Variants in TOMM20L observed in about 807,000 individuals in gnomAD.
The protein encoded by TOMM20L is translocase of outer mitochondrial membrane 20 like, also known as TOMM20-like protein 1.
TOMM20L carries 19 observed loss-of-function variants against 20.4 expected under a neutral mutation model. That is an observed-to-expected ratio of 0.93 (90% confidence interval 0.65 to 1.36). The LOEUF (loss-of-function observed/expected upper bound fraction) is 1.36, where lower values mean the gene tolerates loss of function less well. Ranked by LOEUF, TOMM20L falls within the 40% of genes most tolerant of loss-of-function variation. TOMM20L has a pLI of 0.00. For missense variants in TOMM20L, 218 were observed against 203.7 expected (o/e 1.07, Z -0.43); for synonymous variants, 75 against 79.6 (o/e 0.94, Z 0.30).
rs538296538 is a variant in TOMM20L, at chr14:58,400,843, A to C, written c.181-1837A>C. ...CAGTGAGTCAAGACTGCACCACTGC[A>C]CTCCAGCTTGGGCAACAGAGCAAGA... On this transcript the variant is annotated intron_variant, in intron 2 of 4. Coordinates refer to ENST00000360945, the MANE Select transcript of TOMM20L (RefSeq NM_207377.3). Among the ~76,000 whole-genome samples, 10 of 152,290 alleles carry C rather than the reference A, an allele frequency of 6.6e-5. No individual in the cohort carries two copies. In the South Asian group the frequency reaches 2.1e-3, roughly 32 times the overall value.
downstream of TOMM20L, chr14:58,409,191 C>T: frequency 3.7e-6 from 6 of 1,600,876 alleles, no homozygotes; most frequent in Non-Finnish European, 5.1e-6. Context: ...AGGGAAGATC[C>T]AAGAGGCAAC....
chr14:58,397,142 T>A (rs766316376), intron 2 of TOMM20L, among the ~76,000 whole-genome samples: 18 of 152,216 alleles, frequency 1.2e-4, no homozygotes, highest in Non-Finnish European at 2.2e-4. Context: ...AATCCGCAGT[T>A]GATGCTGGAT....
intron 1 of TOMM20L, 88 bp downstream of exon 1, chr14:58,396,181 C>G (rs2035914436): frequency 7.1e-7 from 1 of 1,414,624 alleles, no homozygotes; most frequent in Non-Finnish European, 9.3e-7. Flanking sequence ...GAGGCCGGGC[C>G]GTGAGTGCCT....
At chr14:58,401,173 C>T (rs2035988277) in intron 2 of TOMM20L, among the ~76,000 whole-genome samples, 4 of 152,178 alleles carry the variant, frequency 2.6e-5, no homozygotes, top group African/African-American at 9.7e-5. Flanking sequence ...CAATTCCTTC[C>T]AGCTTTTCCT....
downstream of TOMM20L, chr14:58,408,776 A>T (rs1311801700): frequency 2.9e-6 from 2 of 696,134 alleles, no homozygotes; most frequent in African/African-American, 3.7e-5. Context: ...TTTCTAATCA[A>T]GTGACCAAGC....
At chr14:58,407,832 C>A (rs1223801776) in intron 4 of TOMM20L, among the ~76,000 whole-genome samples, 1 of 152,146 alleles carries the variant, frequency 6.6e-6, no homozygotes, top group Non-Finnish European at 1.5e-5. Flanking sequence ...CATTCATAAG[C>A]CAGTTGATTA....
chr14:58,416,628 G>C, the TOMM20L span, among the ~76,000 whole-genome samples: 1 of 152,182 alleles, frequency 6.6e-6, no homozygotes, highest in Non-Finnish European at 1.5e-5. Context: ...CACTTCTCTT[G>C]AGTTTCCTAA....
chr14:58,413,649 T>C (rs563969120), downstream of TOMM20L, among the ~76,000 whole-genome samples: 1 of 152,310 alleles, frequency 6.6e-6, no homozygotes, highest in East Asian at 1.9e-4. Flanking sequence ...AGAATGTGTA[T>C]AACATTATTT....
downstream of TOMM20L, chr14:58,411,031 T>C: frequency 1.2e-6 from 1 of 821,694 alleles, no homozygotes; most frequent in South Asian, 1.6e-5. Flanking sequence ...TTAGACAAAA[T>C]ATACTATAAC....
At chr14:58,400,915 T>A (rs1295183536) in intron 2 of TOMM20L, among the ~76,000 whole-genome samples, 1 of 152,132 alleles carries the variant, frequency 6.6e-6, no homozygotes, top group Non-Finnish European at 1.5e-5. Context: ...TATCATAATC[T>A]AGCTAATTAA....
downstream of TOMM20L, chr14:58,410,850 G>A (rs1442262939): frequency 6.2e-7 from 1 of 1,607,568 alleles, no homozygotes; most frequent in African/African-American, 1.3e-5. Context: ...TACCTCTTCA[G>A]GTTTTACTTC....
At chr14:58,413,077 T>C (rs568229929), downstream of TOMM20L, among the ~76,000 whole-genome samples, 1 of 152,312 alleles carries the variant, frequency 6.6e-6, no homozygotes, top group South Asian at 2.1e-4. Context: ...CATTTCAACA[T>C]ACAATCACAT....
At chr14:58,408,917 G>T, downstream of TOMM20L, 1 of 1,446,804 alleles carries the variant, frequency 6.9e-7, no homozygotes, top group South Asian at 1.4e-5. Context: ...AAACAGTCAT[G>T]ACAGATGGTT....
At chr14:58,403,672 A>C (rs1283965003) in intron 3 of TOMM20L, among the ~76,000 whole-genome samples, 1 of 151,866 alleles carries the variant, frequency 6.6e-6, no homozygotes, top group Non-Finnish European at 1.5e-5. Flanking sequence ...CCCTGTCTCT[A>C]CTAAAAATAC....
chr14:58,412,534 G>A (rs1332430155), downstream of TOMM20L, among the ~76,000 whole-genome samples: 3 of 152,120 alleles, frequency 2.0e-5, no homozygotes, highest in Non-Finnish European at 4.4e-5. Context: ...ACCTTGCTAA[G>A]CTGCTTGTTT....
rs2036076559 is a variant in TOMM20L at position 58,407,407 on chromosome 14, A to G, written c.344A>G (p.Lys115Arg). 1 of 1,613,958 alleles carries G rather than the reference A, an allele frequency of 6.2e-7. No homozygotes were observed. The highest frequency in any genetic ancestry group is 8.5e-7 in the Non-Finnish European group (1 of 1,179,970). ...CCACGGGAACTTCTGAAAGTTTTCAAACACACTCTCCCTCCCAAGGTATTT... is the reference window on the plus strand; with the variant it reads ...CCACGGGAACTTCTGAAAGTTTTCAGACACACTCTCCCTCCCAAGGTATTT... ...EQPRELLKVF[K>R]HTLPPKVFEM... The change falls in exon 4 of 5, where the codon AAA becomes AGA. Residue 115 changes from lysine to arginine, a missense_variant. Lys to Arg is a conservative substitution (Grantham distance 26, BLOSUM62 2). Coordinates refer to ENST00000360945, the MANE Select transcript of TOMM20L (RefSeq NM_207377.3).
At chr14:58,401,430 C>T (rs1048294896) in intron 2 of TOMM20L, among the ~76,000 whole-genome samples, 2 of 151,948 alleles carry the variant, frequency 1.3e-5, no homozygotes. Context: ...ATTAGCTGGG[C>T]GTGGTGATGG....
intron 2 of TOMM20L, among the ~76,000 whole-genome samples, chr14:58,401,424 G>T (rs932834776): frequency 6.6e-6 from 1 of 152,038 alleles, no homozygotes; most frequent in African/African-American, 2.4e-5. Context: ...ACAAGAATTA[G>T]CTGGGCGTGG....
chr14:58,411,771 A>C (rs2036226256), downstream of TOMM20L: 1 of 724,518 alleles, frequency 1.4e-6, no homozygotes, highest in Non-Finnish European at 2.4e-6. Flanking sequence ...TCCTGACTTC[A>C]TGTGATCCAC....
Sources: allele counts gnomAD v4.1 joint callset (sites outside exome capture counted in the v4.1 genomes callset), GRCh38; gene constraint gnomAD v4.1.1; transcripts MANE v1.5; gene names NCBI Gene and HGNC (gene_info 2026-07-23, HGNC 2026-07-21).